The following ZDHHC24 variants were observed in gnomAD, a reference collection of about 807,000 sequenced individuals.
The protein encoded by ZDHHC24 is zDHHC palmitoyltransferase 24.
In ZDHHC24, 17 loss-of-function variants were observed where a neutral mutation model predicts 23.2. The ratio of observed to expected loss-of-function variants is 0.73; its 90% confidence interval spans 0.50 to 1.10. ZDHHC24 has a LOEUF of 1.10. Among genes scored for constraint, ZDHHC24 ranks in the 50% least tolerant of loss-of-function variants. ZDHHC24 has a pLI of 0.00. For missense variants in ZDHHC24, 366 were observed against 393.0 expected, an observed-to-expected ratio of 0.93 and a Z score of 0.58; for synonymous variants, 186 against 194.5, an observed-to-expected ratio of 0.96 and a Z score of 0.36.
At position 66,538,113 on chromosome 11, in the gene ZDHHC24, C is replaced by T. The variant is rs898985885; in HGVS notation, c.*1416G>A. The T allele has an allele frequency of 6.6e-6, 1 of 150,720 alleles. No homozygotes were observed. Among genetic ancestry groups the T allele is most frequent in the Non-Finnish European group, 1.5e-5 (1 of 67,582 alleles). 9.3% of individuals were successfully genotyped at this position (150,720 alleles called of 1,614,324 possible). ...TAAAAATACAAAAAAATTAGCTGGG[C>T]ATGGCCAGGCGCAATGGCTCACACC... On this transcript the variant is annotated 3_prime_UTR_variant, in exon 3 of 3. Transcript: ENST00000310442.
rs1856362378 is a variant in ZDHHC24 at position 66,523,843 on chromosome 11, T to C, written c.*22-2377A>G. The C allele has an allele frequency of 6.2e-7, 1 of 1,613,644 alleles. No homozygotes were observed. Among genetic ancestry groups the C allele is most frequent in the East Asian group, 2.2e-5 (1 of 44,884 alleles). On this transcript the variant is annotated intron_variant, in intron 4 of 4. Transcript: ENST00000526986. Reference sequence around the variant, plus strand: ...GGCTGGCCAATGGAGAGGTCCGCATTTATCGTGACAAGGCCCTGCTCAATG... The same window carrying C: ...GGCTGGCCAATGGAGAGGTCCGCATCTATCGTGACAAGGCCCTGCTCAATG...
chr11:66,531,860 T>C, downstream of ZDHHC24: 2 of 1,594,388 alleles, frequency 1.3e-6, no homozygotes, highest in Non-Finnish European at 1.7e-6. Context: ...ATCTGCACAG[T>C]GGAGCCCTGT....
Position 66,543,756 on chromosome 11 carries a change from C to T in ZDHHC24, c.507G>A (p.Thr169=), listed in dbSNP as rs567205852. The stretch of plus-strand genomic sequence containing the variant: ...GGAGGAGGGCAGCCATGTGGAGGGG[C>T]GTGTGGGCTCGCAGCAGGGCCGACA... ...PALSALLRAH[T]PLHMAALLLL... is the part of the protein sequence containing the mutation. The change falls in exon 2 of 3, where the codon ACG becomes ACA. Residue 169 remains threonine, a synonymous_variant. Transcript: ENST00000310442. 5.7e-5 allele frequency: 91 copies of T among 1,606,050 alleles called. No homozygotes were observed. Among genetic ancestry groups the T allele is most frequent in the Non-Finnish European group, 7.2e-5 (85 of 1,176,464 alleles).
In ZDHHC24 at chr11:66,537,984, C is replaced by T. The variant is rs551945867; in HGVS notation, c.*1545G>A. ...ATAATAAAAAATTGTCAGCCAGGCA[C>T]GGTAGCTCACGCCTGTAATCCTAGC... On this transcript the variant is annotated 3_prime_UTR_variant, in exon 3 of 3. Transcript: ENST00000310442. The T allele has an allele frequency of 8.3e-5, 12 of 145,212 alleles. 1 individual carries two copies. The highest frequency in any genetic ancestry group is 2.7e-4 in the African/African-American group (11 of 40,762). The allele number at this position is 145,212 out of a possible 1,614,324, so 9.0% of individuals were successfully genotyped here.
Position 66,523,438 on chromosome 11 carries a change from G to A in ZDHHC24, c.*22-1972C>T. The A allele has an allele frequency of 1.2e-6, 2 of 1,614,138 alleles. No homozygotes were observed. The highest frequency in any genetic ancestry group is 1.7e-6 in the Non-Finnish European group (2 of 1,180,008). On this transcript the variant is annotated intron_variant, in intron 4 of 4. Coordinates refer to the ZDHHC24 transcript ENST00000526986. ...GAGGATTTCTCTGGGGCCAGACAGT[G>A]TGTTGTTTATTCCACAGAGACTCCA...
intron 3 of ZDHHC24, chr11:66,527,449 T>C (rs991563544): frequency 8.1e-6 from 2 of 247,110 alleles, no homozygotes; most frequent in African/African-American, 4.5e-5. Context: ...GATGGGCAGA[T>C]CATGAGGTCA....
intron 1 of ZDHHC24, 48 bp from the exon 2 acceptor site, chr11:66,544,029 C>T: frequency 6.3e-7 from 1 of 1,597,918 alleles, no homozygotes; most frequent in Admixed American, 1.7e-5. Context: ...CTCAGATGCC[C>T]CATATTGTGC....
At chr11:66,523,010 C>T in intron 4 of ZDHHC24, 1 of 386,056 alleles carries the variant, frequency 2.6e-6, no homozygotes, top group Non-Finnish European at 5.1e-6. Flanking sequence ...ACTAACTGTA[C>T]TTTCTGGAAA....
At chr11:66,526,314 C>A in intron 4 of ZDHHC24, 1 of 998,010 alleles carries the variant, frequency 1.0e-6, no homozygotes. Context: ...AAAGTAAGGC[C>A]TACAGAAGTG....
At chr11:66,526,052 C>A in intron 4 of ZDHHC24, 2 of 1,412,590 alleles carry the variant, frequency 1.4e-6, no homozygotes, top group South Asian at 1.2e-5. Flanking sequence ...CTGGGGCCTC[C>A]CCTACCCATC....
At chr11:66,529,399 T>C in exon 3 of ZDHHC24, 1 of 1,237,274 alleles carries the variant, frequency 8.1e-7, no homozygotes, top group Non-Finnish European at 1.1e-6. Flanking sequence ...GGGTGCTCAC[T>C]AAGCTGCTGG....
At chr11:66,530,704 C>G (rs1856740520), downstream of ZDHHC24, among the ~76,000 whole-genome samples, 2 of 152,164 alleles carry the variant, frequency 1.3e-5, no homozygotes, top group South Asian at 4.1e-4. Flanking sequence ...TGCCTGGCCT[C>G]CCTCAGGCTC....
At chr11:66,529,887 G>C (rs767817283) in intron 2 of ZDHHC24, 1 of 1,609,280 alleles carries the variant, frequency 6.2e-7, no homozygotes, top group Non-Finnish European at 8.5e-7. Context: ...CTACCTGCAG[G>C]CCCTCGAGTC....
Position 66,543,971 on chromosome 11 carries a change from G to C in ZDHHC24, c.292C>G (p.Gln98Glu). ...GLGQGWAYCY[Q>E]CQSQVPPRSG... ...CGTGGCGGCACCTGGCTTTGGCATT[G>C]GTAGCAGTAACTGCAGGAAGGAACC... The change falls in exon 2 of 3, where the codon CAA becomes GAA. Residue 98 changes from glutamine (Q) to glutamate (E), a missense_variant. Physicochemically the swap from Gln to Glu is conservative, Grantham distance 29. Coordinates refer to ENST00000310442, the MANE Select transcript of ZDHHC24 (RefSeq NM_207340.3). 2 of 1,613,350 alleles carry C rather than the reference G, an allele frequency of 1.2e-6. No homozygotes were observed. The highest frequency in any genetic ancestry group is 1.7e-6 in the Non-Finnish European group (2 of 1,179,564).
rs1565295730 is a variant in ZDHHC24 at position 66,539,483 on chromosome 11, C to G, written c.*46G>C. ...CTTACTGAGTCTAGGTGTGGGGGCC[C>G]CCCTCTCACCCCTTCCTCCCTGCAC... On this transcript the variant is annotated 3_prime_UTR_variant, in exon 3 of 3. Transcript: ENST00000310442. 6.7e-7 allele frequency: 1 copy of G among 1,485,754 alleles called. No individual in the cohort carries two copies. The highest frequency in any genetic ancestry group is 8.9e-7 in the Non-Finnish European group (1 of 1,119,860). 92.0% of individuals were successfully genotyped at this position (1,485,754 alleles called of 1,614,324 possible).
chr11:66,540,141 G>A (rs754375611), intron 2 of ZDHHC24, among the ~76,000 whole-genome samples: 2 of 152,182 alleles, frequency 1.3e-5, no homozygotes, highest in African/African-American at 4.8e-5. Context: ...TTCTTGGCTG[G>A]ATGCGGTGGC....
downstream of ZDHHC24, chr11:66,531,907 G>T: frequency 6.4e-7 from 1 of 1,570,272 alleles, no homozygotes; most frequent in Non-Finnish European, 8.6e-7. Context: ...CAGGCAAGGG[G>T]TCAGGGGTGT....
intron 2 of ZDHHC24, among the ~76,000 whole-genome samples, chr11:66,540,887 T>G (rs192926519): frequency 6.8e-6 from 1 of 146,314 alleles, no homozygotes; most frequent in Non-Finnish European, 1.5e-5. Flanking sequence ...AAAGGTCACA[T>G]GTTTATCATC....
intron 2 of ZDHHC24, among the ~76,000 whole-genome samples, chr11:66,530,382 CG>C (rs1303912350): frequency 2.6e-5 from 4 of 152,066 alleles, no homozygotes; most frequent in African/African-American, 9.7e-5. Context: ...GAGACCAGCA[CG>C]GGCAAAAGGA....
Sources: allele counts gnomAD v4.1 joint callset (sites outside exome capture counted in the v4.1 genomes callset), GRCh38; gene constraint gnomAD v4.1.1; transcripts MANE v1.5; gene names NCBI Gene and HGNC (gene_info 2026-07-23, HGNC 2026-07-21).